Variants in PJA2 observed in about 807,000 individuals in gnomAD.
The protein encoded by PJA2 is praja ring finger ubiquitin ligase 2.
Under a neutral mutation model 69.3 loss-of-function variants are expected in PJA2, and 25 were observed. That is an observed-to-expected ratio of 0.36 (90% CI 0.26 to 0.50). The LOEUF is 0.50. Ranked by LOEUF, PJA2 falls within the 20% of genes least tolerant of loss-of-function variation. The pLI is 0.96. For synonymous variants in PJA2, 308 were observed against 277.8 expected (o/e 1.11, Z -1.08); for missense variants, 809 against 830.2 (o/e 0.97, Z 0.31).
At chr5:109,337,492 A>C in intron 9 of PJA2, 136 bp from the exon 10 acceptor site, 3 of 929,620 alleles carry the variant, frequency 3.2e-6, no homozygotes, top group Non-Finnish European at 4.6e-6. Context: ...AATCCACACA[A>C]TGCAGAAAGA....
At chr5:109,360,990 T>C (rs1272294451) in intron 6 of PJA2, among the ~76,000 whole-genome samples, 1 of 151,918 alleles carries the variant, frequency 6.6e-6, no homozygotes, top group Middle Eastern at 3.2e-3. Context: ...TAGCCAGGTG[T>C]GGTGGCAGGC....
At chr5:109,354,052 A>G (rs968714890) in intron 7 of PJA2, among the ~76,000 whole-genome samples, 3 of 134,490 alleles carry the variant, frequency 2.2e-5, no homozygotes, top group Non-Finnish European at 4.9e-5. Context: ...TAGATTAGAT[A>G]TCTATGATAT....
chr5:109,342,576 C>T (rs1762093227), intron 9 of PJA2, among the ~76,000 whole-genome samples: 3 of 89,456 alleles, frequency 3.4e-5, no homozygotes, highest in Non-Finnish European at 6.7e-5. Flanking sequence ...AGGTGAGGGG[C>T]GCCTCTGCCC....
chr5:109,378,354 G>A lies in PJA2; in HGVS notation c.1133C>T (p.Pro378Leu). 6.2e-7 allele frequency: 1 copy of A among 1,614,050 alleles called. No individual in the cohort carries two copies. ...TTGTGTAATAACTCTTGAGTATGGT[G>A]GATCCAAGAACATACAGTCATGCTC... ...DGEHDCMFLD[P>L]PYSRVITQRE... The change falls in exon 4 of 10, where the codon CCA becomes CTA. Residue 378 changes from proline (P) to leucine (L), a missense_variant. Pro to Leu is a moderately conservative substitution (Grantham distance 98). Coordinates refer to ENST00000361189, the MANE Select transcript of PJA2 (RefSeq NM_014819.5).
chr5:109,368,642 C>T lies in PJA2; in HGVS notation c.1388G>A (p.Gly463Glu). The stretch of plus-strand genomic sequence containing the variant: ...TAGCTCAGGTTCATTCTCATCTTTT[C>T]CTGGCAGAGTCTCCCAGCTTTCATC... Reference protein sequence around the residue: ...SSDESWETLPGKDENEPELQS... With the variant: ...SSDESWETLPEKDENEPELQS... Residue 463 changes from glycine (G) to glutamate (E), a missense_variant, in exon 5 of 10, where the codon GGA becomes GAA. This residue lies in a region of PJA2 where 700 missense variants were observed against 639.5 expected (regional missense o/e 1.09). Coordinates refer to ENST00000361189, the MANE Select transcript of PJA2 (RefSeq NM_014819.5). 1 of 1,614,136 alleles carries T rather than the reference C, an allele frequency of 6.2e-7. No individual in the cohort carries two copies. Among genetic ancestry groups the T allele is most frequent in the Non-Finnish European group, 8.5e-7 (1 of 1,180,034 alleles).
At chr5:109,392,418 G>A (rs533966431) in intron 1 of PJA2, among the ~76,000 whole-genome samples, 116 of 151,920 alleles carry the variant, frequency 7.6e-4, no homozygotes, top group African/African-American at 2.3e-3. Flanking sequence ...AAAATTTGCC[G>A]CGCATGGTGG....
chr5:109,356,695 C>CTCT (rs1762418323), intron 6 of PJA2, among the ~76,000 whole-genome samples: 1 of 151,884 alleles, frequency 6.6e-6, no homozygotes, highest in Middle Eastern at 3.2e-3. Context: ...CGGCTTTTTT[C>CTCT]TTTTCTCATT....
intron 5 of PJA2, among the ~76,000 whole-genome samples, chr5:109,367,754 G>T (rs1027316253): frequency 2.6e-5 from 4 of 152,170 alleles, no homozygotes; most frequent in African/African-American, 9.7e-5. Context: ...ATCAGATTTG[G>T]TTTATTTCAA....
intron 5 of PJA2, among the ~76,000 whole-genome samples, chr5:109,363,318 C>T (rs1042351495): frequency 5.9e-5 from 9 of 152,150 alleles, no homozygotes. Context: ...AAAAATCCAA[C>T]CCTGACTACT....
At chr5:109,365,779 G>T (rs1353378494) in intron 5 of PJA2, among the ~76,000 whole-genome samples, 3 of 152,112 alleles carry the variant, frequency 2.0e-5, no homozygotes, top group Admixed American at 2.0e-4. Flanking sequence ...ATAGTGAAAA[G>T]AATTTTTTTA....
In PJA2 at chr5:109,353,201, C is replaced by A. The variant is rs552076618; in HGVS notation, c.1764+2714G>T. On this transcript the variant is annotated intron_variant, in intron 7 of 9. Transcript: ENST00000361189. ...CTATAGATATCTATATATTAGATAC[C>A]TATAATATCTATAGATATCTATATA... 2.9e-4 allele frequency among the ~76,000 whole-genome samples: 40 copies of A among 138,030 alleles called. No individual in the cohort carries two copies. The South Asian group carries it at 8.8e-3, about 30-fold the overall frequency. The allele number at this position is 138,030 out of a possible 152,430, so 90.6% of individuals were successfully genotyped here.
At chr5:109,400,074 T>C (rs373368040) in intron 1 of PJA2, among the ~76,000 whole-genome samples, 16 of 152,058 alleles carry the variant, frequency 1.1e-4, no homozygotes, top group Admixed American at 5.2e-4. Flanking sequence ...TGGATCACTT[T>C]AGGTCAGGAG....
intron 9 of PJA2, among the ~76,000 whole-genome samples, chr5:109,342,390 C>A (rs1582580766): frequency 1.7e-5 from 2 of 116,754 alleles, no homozygotes; most frequent in Non-Finnish European, 1.8e-5. Context: ...GGGTCGGCCC[C>A]CTGCCCGGCC....
intron 1 of PJA2, among the ~76,000 whole-genome samples, chr5:109,391,230 AC>A (rs1242426302): frequency 1.3e-5 from 2 of 152,100 alleles, no homozygotes; most frequent in Non-Finnish European, 2.9e-5. Flanking sequence ...CATATAGCTC[AC>A]CCTACATGTA....
Position 109,382,400 on chromosome 5 carries a change from T to C in PJA2, c.32-697A>G, listed in dbSNP as rs1747071202. The stretch of plus-strand genomic sequence containing the variant: ...ATTAAGTTTTGTTGACTGAGGGGTA[T>C]ACAGTAGTAAACAGCAGCAACTTTC... On this transcript the variant is annotated intron_variant, in intron 2 of 9. Coordinates refer to ENST00000361189, the MANE Select transcript of PJA2 (RefSeq NM_014819.5). Among the ~76,000 whole-genome samples the C allele has an allele frequency of 2.0e-5, 3 of 152,222 alleles. No homozygotes were observed. The South Asian group carries it at 6.2e-4, about 32-fold the overall frequency.
At position 109,337,125 on chromosome 5, in the gene PJA2, T is replaced by C; in HGVS notation, c.*106A>G. 9.2e-7 allele frequency: 1 copy of C among 1,085,710 alleles called. No homozygotes were observed. Among genetic ancestry groups the C allele is most frequent in the Non-Finnish European group, 1.2e-6 (1 of 806,488 alleles). 67.3% of individuals were successfully genotyped at this position (1,085,710 alleles called of 1,614,324 possible). A position where few individuals can be genotyped will look rare whatever the true frequency, so the allele number is the denominator to read the frequency against. ...TCTTTCTAAACTATGGCATATACTA[T>C]ATATAGCATTTTTAAATATATTTAT... On this transcript the variant is annotated 3_prime_UTR_variant, in exon 10 of 10. Coordinates refer to ENST00000361189, the MANE Select transcript of PJA2 (RefSeq NM_014819.5).
chr5:109,362,351 ATAAAG>A (rs1350178389), intron 6 of PJA2, among the ~76,000 whole-genome samples: 1 of 152,244 alleles, frequency 6.6e-6, no homozygotes, highest in African/African-American at 2.4e-5. Context: ...TTTGTCAAGC[ATAAAG>A]TAAATTAAAT....
intron 1 of PJA2, among the ~76,000 whole-genome samples, chr5:109,384,452 A>G (rs1313922402): frequency 6.6e-6 from 1 of 152,234 alleles, no homozygotes; most frequent in African/African-American, 2.4e-5. Context: ...TTTATTTACT[A>G]TTTGAAAAGT....
intron 6 of PJA2, among the ~76,000 whole-genome samples, chr5:109,357,635 G>C (rs1411311233): frequency 6.6e-6 from 1 of 152,222 alleles, no homozygotes; most frequent in Admixed American, 6.5e-5. Flanking sequence ...CTGGCACAGA[G>C]ATGGCACCAC....
Sources: allele counts gnomAD v4.1 joint callset (sites outside exome capture counted in the v4.1 genomes callset), GRCh38; gene constraint gnomAD v4.1.1; regional missense constraint gnomAD v4.1.1; transcripts MANE v1.5; gene names NCBI Gene and HGNC (gene_info 2026-07-23, HGNC 2026-07-21).